The following KDM6A variants were observed in gnomAD, a reference collection of about 807,000 sequenced individuals.
The protein encoded by KDM6A is lysine-specific demethylase 6A.
KDM6A carries 11 observed loss-of-function variants against 117.6 expected under a neutral mutation model. That is an observed-to-expected ratio of 0.09 (90% CI 0.06 to 0.15). The LOEUF is 0.15. Among genes scored for constraint, KDM6A ranks in the 10% least tolerant of loss-of-function variants. The pLI is 1.00. For synonymous variants in KDM6A, 384 were observed against 396.1 expected (o/e 0.97, Z 0.36); for missense variants, 799 against 1,077.3 (o/e 0.74, Z 3.62).
chrX:44,911,316 G>A (rs1411224296), intron 2 of KDM6A, among the ~76,000 whole-genome samples: 14 of 107,808 alleles, frequency 1.3e-4, no homozygotes, highest in African/African-American at 4.4e-4. Flanking sequence ...CAGACGGGGC[G>A]GCTGCCGGGC....
chrX:45,042,377 T>C (rs2043306880), intron 8 of KDM6A, among the ~76,000 whole-genome samples: 1 of 108,082 alleles, frequency 9.3e-6, no homozygotes, highest in Non-Finnish European at 1.9e-5. Context: ...GCAAACAGTA[T>C]ATAATTATTA....
chrX:45,100,937 G>A (rs953663386), intron 27 of KDM6A, among the ~76,000 whole-genome samples: 31 of 108,305 alleles, frequency 2.9e-4, no homozygotes, highest in South Asian at 4.0e-4. Context: ...CCCCTGCCTC[G>A]GCCTCCCAAA....
intron 8 of KDM6A, among the ~76,000 whole-genome samples, chrX:45,049,157 T>C (rs1407267082): frequency 2.7e-5 from 3 of 112,195 alleles, no homozygotes; most frequent in African/African-American, 9.7e-5. Context: ...TTTACTCACA[T>C]CTCTACAATA....
chrX:45,075,107 A>G (rs902344328), intron 18 of KDM6A, among the ~76,000 whole-genome samples: 3 of 111,872 alleles, frequency 2.7e-5, no homozygotes, highest in Non-Finnish European at 3.8e-5. Context: ...CCTTTCCTAA[A>G]AGACAGTTTC....
rs113924593 is a variant in KDM6A at position 44,928,439 on chromosome X, A to G, written c.226-32845A>G. The stretch of plus-strand genomic sequence containing the variant: ...AAAATTAAAAATATCAGAAACAAAC[A>G]TCCGACGATGGGGGTTTAATGAGAT... On this transcript the variant is annotated intron_variant, in intron 2 of 29. Transcript: ENST00000611820. Among the ~76,000 whole-genome samples the G allele has an allele frequency of 7.8e-3, 869 of 112,101 alleles. 15 individuals are homozygous for G. Among genetic ancestry groups the G allele is most frequent in the African/African-American group, 0.027 (833 of 30,841 alleles).
intron 6 of KDM6A, among the ~76,000 whole-genome samples, chrX:45,033,609 A>C (rs1318756066): frequency 9.1e-6 from 1 of 110,207 alleles, no homozygotes; most frequent in Non-Finnish European, 1.9e-5. Context: ...GTTGGAGTGG[A>C]GTGGCACACT....
intron 6 of KDM6A, among the ~76,000 whole-genome samples, chrX:45,023,080 C>T (rs1389790270): frequency 8.9e-6 from 1 of 112,236 alleles, no homozygotes; most frequent in Non-Finnish European, 1.9e-5. Flanking sequence ...CATGGCCATT[C>T]CTAATTGATT....
At chrX:44,986,213 T>G (rs1453361586) in intron 4 of KDM6A, among the ~76,000 whole-genome samples, 1 of 110,487 alleles carries the variant, frequency 9.1e-6, no homozygotes, top group Non-Finnish European at 1.9e-5. Context: ...GTTTATAGTA[T>G]TCTCTGATGG....
At chrX:45,020,352 CTGTT>C (rs1380727121) in intron 5 of KDM6A, among the ~76,000 whole-genome samples, 1 of 111,457 alleles carries the variant, frequency 9.0e-6, no homozygotes, top group East Asian at 2.8e-4. Flanking sequence ...GAAATACTGT[CTGTT>C]TGAATAATTT....
chrX:44,987,815 A>G (rs1417598648), intron 4 of KDM6A, among the ~76,000 whole-genome samples: 3 of 111,312 alleles, frequency 2.7e-5, no homozygotes, highest in Non-Finnish European at 5.7e-5. Context: ...GGGTAACCCG[A>G]CCTTTCTCTC....
intron 4 of KDM6A, among the ~76,000 whole-genome samples, chrX:44,993,694 C>T (rs555877200): frequency 8.1e-5 from 9 of 111,298 alleles, no homozygotes; most frequent in African/African-American, 2.6e-4. Context: ...GGTGAAACCC[C>T]GTCTCTACTA....
At chrX:45,099,806 G>A (rs1416200340) in intron 27 of KDM6A, among the ~76,000 whole-genome samples, 3 of 111,466 alleles carry the variant, frequency 2.7e-5, no homozygotes, top group Non-Finnish European at 3.8e-5. Flanking sequence ...AGGCCAAGTC[G>A]GGCAGATCAC....
At chrX:45,055,609 T>C (rs1394273051) in intron 10 of KDM6A, among the ~76,000 whole-genome samples, 2 of 111,418 alleles carry the variant, frequency 1.8e-5, no homozygotes, top group African/African-American at 6.5e-5. Flanking sequence ...ACAAAGTGGC[T>C]ATTCGATAAA....
chrX:44,958,273 C>T (rs1476155110), intron 2 of KDM6A, among the ~76,000 whole-genome samples: 1 of 107,609 alleles, frequency 9.3e-6, no homozygotes. Context: ...ACCTCCGCCT[C>T]CTGGGTTCAA....
At chrX:45,001,627 G>A (rs1310748001) in intron 4 of KDM6A, among the ~76,000 whole-genome samples, 1 of 111,760 alleles carries the variant, frequency 8.9e-6, no homozygotes, top group African/African-American at 3.3e-5. Flanking sequence ...AATAGTTTGA[G>A]GCAAAATTGA....
intron 8 of KDM6A, among the ~76,000 whole-genome samples, chrX:45,042,035 C>T (rs750058860): frequency 1.8e-5 from 2 of 110,610 alleles, no homozygotes; most frequent in East Asian, 5.8e-4. Context: ...GGATCACTCG[C>T]GGTTAGGAGC....
At chrX:45,047,715 G>T (rs1398554473) in intron 8 of KDM6A, among the ~76,000 whole-genome samples, 3 of 56,592 alleles carry the variant, frequency 5.3e-5, no homozygotes, top group Non-Finnish European at 6.5e-5. Context: ...ACAGGATCTG[G>T]CTCTCTTGCC....
intron 2 of KDM6A, among the ~76,000 whole-genome samples, chrX:44,874,740 A>G (rs1490887767): frequency 3.2e-5 from 3 of 92,874 alleles, no homozygotes; most frequent in Non-Finnish European, 4.1e-5. Context: ...GGCTGCTCCT[A>G]TCGGCCCAAG....
chrX:45,099,466 GGAT>G (rs2046248050), intron 27 of KDM6A, among the ~76,000 whole-genome samples: 5 of 109,629 alleles, frequency 4.6e-5, no homozygotes, highest in Admixed American at 9.7e-5. Context: ...TCTACATTCT[GGAT>G]TTGTTTTCTC....
Sources: allele counts gnomAD v4.1 joint callset (sites outside exome capture counted in the v4.1 genomes callset), GRCh38; gene constraint gnomAD v4.1.1; transcripts MANE v1.5; gene names NCBI Gene and HGNC (gene_info 2026-07-23, HGNC 2026-07-21).